Variants in DCDC2B observed in about 807,000 individuals in gnomAD.
The protein encoded by DCDC2B is doublecortin domain containing 2B, also known as doublecortin domain-containing protein 2B.
DCDC2B carries 41 observed loss-of-function variants against 38.9 expected under a neutral mutation model. The ratio of observed to expected loss-of-function variants is 1.05; its 90% CI spans 0.82 to 1.37. The LOEUF (loss-of-function observed/expected upper bound fraction) is 1.37. Ranked by LOEUF, DCDC2B falls within the 40% of genes most tolerant of loss-of-function variation. The pLI is 0.00. For missense variants in DCDC2B, 453 were observed against 427.2 expected, an observed-to-expected ratio of 1.06 and a Z score of -0.53; for synonymous variants, 181 against 171.9, an observed-to-expected ratio of 1.05 and a Z score of -0.41.
At chr1:32,210,988 G>T (rs998064748) in intron 1 of DCDC2B, among the ~76,000 whole-genome samples, 2 of 152,182 alleles carry the variant, frequency 1.3e-5, no homozygotes, top group African/African-American at 2.4e-5. Context: ...TTACAGGCGT[G>T]AGCTGCCATG....
chr1:32,210,098 C>G (rs972194932), intron 1 of DCDC2B, among the ~76,000 whole-genome samples: 1 of 152,066 alleles, frequency 6.6e-6, no homozygotes, highest in African/African-American at 2.4e-5. Flanking sequence ...AAGGCCAAGG[C>G]GGGCAGATCA....
At chr1:32,209,801 G>A (rs370822380) in intron 1 of DCDC2B, among the ~76,000 whole-genome samples, 1 of 152,152 alleles carries the variant, frequency 6.6e-6, no homozygotes, top group Non-Finnish European at 1.5e-5. Flanking sequence ...CCCAGGGTGG[G>A]AGAAGAATTT....
At chr1:32,210,897 G>A (rs534411165) in intron 1 of DCDC2B, among the ~76,000 whole-genome samples, 1 of 151,402 alleles carries the variant, frequency 6.6e-6, no homozygotes, top group South Asian at 2.1e-4. Flanking sequence ...TTGTTTTTTG[G>A]TAGCAATGAG....
At chr1:32,215,274 G>A in intron 7 of DCDC2B, 166 bp from the exon 8 acceptor site, 1 of 636,626 alleles carries the variant, frequency 1.6e-6, no homozygotes, top group Non-Finnish European at 2.7e-6. Context: ...AGAGGGGATG[G>A]GGGTGGGACC....
At chr1:32,211,925 G>A in intron 3 of DCDC2B, 88 bp downstream of exon 3, 1 of 1,541,752 alleles carries the variant, frequency 6.5e-7, no homozygotes, top group Non-Finnish European at 8.8e-7. Flanking sequence ...AGGAGCCTCT[G>A]GTTACTGTTG....
intron 1 of DCDC2B, among the ~76,000 whole-genome samples, chr1:32,210,678 A>T (rs1643549030): frequency 6.6e-6 from 1 of 152,028 alleles, no homozygotes; most frequent in Non-Finnish European, 1.5e-5. Context: ...GGGATACAGC[A>T]GGATGCATAA....
intron 8 of DCDC2B, 103 bp downstream of exon 8, chr1:32,215,646 A>G: frequency 8.5e-7 from 1 of 1,170,964 alleles, no homozygotes; most frequent in Non-Finnish European, 1.2e-6. Context: ...CTTGTGATTG[A>G]AAGTAAATGA....
In DCDC2B at chr1:32,209,426, C is replaced by G. The variant is rs535222020; in HGVS notation, c.266+67C>G. On this transcript the variant is annotated intron_variant, in intron 1 of 8. Coordinates refer to ENST00000409358, the MANE Select transcript of DCDC2B (RefSeq NM_001099434.2). Reference sequence around the variant, plus strand: ...TAACGGCAAGAGCGTGTATTCAGTACCTACCATGTATGTACCAGCATGTTA... The same window carrying G: ...TAACGGCAAGAGCGTGTATTCAGTAGCTACCATGTATGTACCAGCATGTTA... The G allele has an allele frequency of 3.1e-5, 48 of 1,573,438 alleles. No individual in the cohort carries two copies. In the African/African-American group the frequency reaches 6.3e-4, roughly 21 times the overall value.
In DCDC2B at chr1:32,209,417, T is replaced by C. The variant is rs1340166805; in HGVS notation, c.266+58T>C. On this transcript the variant is annotated intron_variant, in intron 1 of 8. Transcript: ENST00000409358. ...CAAGGGAGGTAACGGCAAGAGCGTG[T>C]ATTCAGTACCTACCATGTATGTACC... is the stretch of plus-strand genomic sequence containing the variant. The C allele has an allele frequency of 2.5e-6, 4 of 1,586,748 alleles. No individual in the cohort carries two copies. In the Admixed American group the frequency reaches 6.8e-5, roughly 27 times the overall value.
Position 32,216,164 on chromosome 1 carries a change from G to T in DCDC2B, c.*267G>T. 1.3e-6 allele frequency: 1 copy of T among 754,480 alleles called. No homozygotes were observed. The highest frequency in any genetic ancestry group is 1.9e-5 in the South Asian group (1 of 53,110). 46.7% of individuals were successfully genotyped at this position (754,480 alleles called of 1,614,324 possible). On this transcript the variant is annotated 3_prime_UTR_variant, in exon 9 of 9. Transcript: ENST00000409358. ...AGTAGCTGACTAAGCCTGGGAGAGG[G>T]TTTGTCACAATAAAAGAATACTTAC...
At chr1:32,211,058 G>GACTT (rs1643564290) in intron 1 of DCDC2B, among the ~76,000 whole-genome samples, 1 of 152,158 alleles carries the variant, frequency 6.6e-6, no homozygotes, top group African/African-American at 2.4e-5. Flanking sequence ...TGGATTTCCA[G>GACTT]ACTTACTCAG....
intron 3 of DCDC2B, 35 bp downstream of exon 3, chr1:32,211,872 G>A (rs772883804): frequency 2.5e-6 from 4 of 1,581,660 alleles, no homozygotes; most frequent in East Asian, 4.6e-5. Flanking sequence ...GGGTGTTGAT[G>A]TTTGTTTTAG....
chr1:32,211,055 C>G (rs1643564194), intron 1 of DCDC2B, among the ~76,000 whole-genome samples: 1 of 152,184 alleles, frequency 6.6e-6, no homozygotes, highest in South Asian at 2.1e-4. Context: ...GTCTGGATTT[C>G]CAGACTTACT....
At chr1:32,211,470 G>A in intron 2 of DCDC2B, 147 bp downstream of exon 2, 1 of 825,972 alleles carries the variant, frequency 1.2e-6, no homozygotes, top group Non-Finnish European at 1.9e-6. Context: ...CTTTCCTGGG[G>A]CGTGGGATTT....
Position 32,212,797 on chromosome 1 carries a change from G to C in DCDC2B, c.714+4G>C. On this transcript the variant is annotated splice_donor_region_variant and intron_variant, in intron 6 of 8. Coordinates refer to ENST00000409358, the MANE Select transcript of DCDC2B (RefSeq NM_001099434.2). ...GTCTAGGCCCCACAGGCAGGGGGTA[G>C]GTGACGCAGGGGACAATGAGGGGTG... 1 of 1,613,564 alleles carries C rather than the reference G, an allele frequency of 6.2e-7. No homozygotes were observed. Among genetic ancestry groups the C allele is most frequent in the Non-Finnish European group, 8.5e-7 (1 of 1,179,858 alleles).
At position 32,212,641 on chromosome 1, in the gene DCDC2B, G is replaced by A. The variant is rs769009710; in HGVS notation, c.674+5G>A. The A allele has an allele frequency of 1.2e-6, 2 of 1,613,856 alleles. No homozygotes were observed. The highest frequency in any genetic ancestry group is 2.2e-5 in the East Asian group (1 of 44,876). ...CTCCCTGCCCAGGGGCTGCTGGTAT[G>A]TATGTGGGAGGTGGAGCGGTAACAG... On this transcript the variant is annotated splice_donor_5th_base_variant and intron_variant, in intron 5 of 8. Coordinates refer to ENST00000409358, the MANE Select transcript of DCDC2B (RefSeq NM_001099434.2).
chr1:32,211,635 C>A, intron 2 of DCDC2B, 126 bp from the exon 3 acceptor site: 4 of 922,266 alleles, frequency 4.3e-6, no homozygotes, highest in South Asian at 1.5e-5. Flanking sequence ...TGTAAACTGT[C>A]TTACTCCTCC....
intron 1 of DCDC2B, 84 bp from the exon 2 acceptor site, chr1:32,211,188 G>A: frequency 1.6e-6 from 2 of 1,269,616 alleles, no homozygotes; most frequent in Admixed American, 1.8e-5. Context: ...CTGGTGAGCT[G>A]CGCCCCAACC....
intron 1 of DCDC2B, among the ~76,000 whole-genome samples, chr1:32,210,441 T>C (rs1643537468): frequency 6.7e-6 from 1 of 149,864 alleles, no homozygotes; most frequent in Admixed American, 6.7e-5. Context: ...GAGGTTGCAG[T>C]GAGCTGAGAT....
Sources: gnomAD v4.1 joint callset for allele counts (sites outside exome capture counted in the v4.1 genomes callset) on GRCh38, gnomAD v4.1.1 for gene constraint, MANE v1.5 for transcripts, NCBI Gene and HGNC (gene_info 2026-07-23, HGNC 2026-07-21) for gene names.